The following FNTB variants were observed in gnomAD, a reference collection of about 807,000 sequenced individuals.
FNTB encodes the protein protein farnesyltransferase subunit beta.
In FNTB, 27 loss-of-function variants were observed where a neutral mutation model predicts 59.4. That is an observed-to-expected ratio of 0.45 (90% CI 0.34 to 0.63). FNTB has a LOEUF of 0.63. Ranked by LOEUF, FNTB falls within the 20% of genes least tolerant of loss-of-function variation. FNTB has a pLI of 0.02. For synonymous variants in FNTB, 230 were observed against 220.7 expected, an observed-to-expected ratio of 1.04 and a Z score of -0.37; for missense variants, 449 against 559.6, an observed-to-expected ratio of 0.80 and a Z score of 1.99.
chr14:65,018,881 T>C (rs111824220), intron 4 of FNTB, among the ~76,000 whole-genome samples: 3,187 of 147,238 alleles, frequency 0.022, 114 homozygotes, highest in East Asian at 0.12. Context: ...GAGAACGAAG[T>C]GGGTGGATCA....
At chr14:65,002,048 A>G (rs1888619520) in intron 1 of FNTB, among the ~76,000 whole-genome samples, 1 of 152,202 alleles carries the variant, frequency 6.6e-6, no homozygotes, top group South Asian at 2.1e-4. Flanking sequence ...TAATTCTTTC[A>G]TGCTTCTCAA....
chr14:65,052,199 T>G (rs867102308), intron 9 of FNTB, among the ~76,000 whole-genome samples: 4 of 152,208 alleles, frequency 2.6e-5, no homozygotes, highest in African/African-American at 4.8e-5. Flanking sequence ...TATATGGCTA[T>G]TCACAGTGAT....
intron 1 of FNTB, among the ~76,000 whole-genome samples, chr14:64,995,729 A>G (rs1888368161): frequency 6.6e-6 from 1 of 150,490 alleles, no homozygotes; most frequent in Non-Finnish European, 1.5e-5. Flanking sequence ...TATATTTTAT[A>G]TATATACATG....
chr14:65,015,554 A>G (rs1181900304), intron 3 of FNTB, 71 bp from the exon 4 acceptor site: 1 of 1,557,738 alleles, frequency 6.4e-7, no homozygotes, highest in South Asian at 1.1e-5. Context: ...AGTGAGACAG[A>G]TACAGCCTTG....
At chr14:65,052,679 AGTTACTAGTAAT>A (rs1330024748) in intron 9 of FNTB, among the ~76,000 whole-genome samples, 1 of 152,224 alleles carries the variant, frequency 6.6e-6, no homozygotes, top group Non-Finnish European at 1.5e-5. Flanking sequence ...GCAGGAGGGC[AGTTACTAGTAAT>A]GTTTCTTAGG....
At chr14:65,037,752 ATTTATTTATTTAT>A (rs1566562961) in intron 7 of FNTB, among the ~76,000 whole-genome samples, 19 of 103,962 alleles carry the variant, frequency 1.8e-4, no homozygotes, top group East Asian at 6.3e-4. Flanking sequence ...TTATTTATTT[ATTTATTTATTTAT>A]TTATTTATTT....
In FNTB at chr14:65,011,948, A is replaced by T. The variant is rs1244119523; in HGVS notation, c.210-369A>T. On this transcript the variant is annotated intron_variant, in intron 2 of 11. Transcript: ENST00000246166. This position sits in a 1 kb window ranked among gnomAD's most constrained non-coding sequence, Gnocchi z 4.0. ...CGAGGCTCAGATTTAAATTGCTTAT[A>T]GGATGGGGAGGCACAAAGATATCTG... Among the ~76,000 whole-genome samples the T allele has an allele frequency of 6.6e-6, 1 of 152,208 alleles. No homozygotes were observed. Among genetic ancestry groups the T allele is most frequent in the African/African-American group, 2.4e-5 (1 of 41,458 alleles).
At chr14:64,989,066 G>A (rs546665236) in intron 1 of FNTB, among the ~76,000 whole-genome samples, 2 of 152,170 alleles carry the variant, frequency 1.3e-5, no homozygotes, top group East Asian at 3.9e-4. Flanking sequence ...AACCTTGTTA[G>A]GAGGAGTTGT....
chr14:65,026,143 A>G (rs942830267), intron 4 of FNTB, among the ~76,000 whole-genome samples: 1 of 152,210 alleles, frequency 6.6e-6, no homozygotes, highest in African/African-American at 2.4e-5. Context: ...AGGCCCCATG[A>G]ACACTGCAAA....
rs951047779 is a variant in FNTB, at chr14:65,027,708, C to T, written c.532C>T (p.Leu178Phe). ...TTCCCTGTTTCTCAGAGAGAAGCTT[C>T]TTCAGTATTTGTACTCCCTGAAGCA... ...AYDIINREKLLQYLYSLKQPD... is the reference protein window; with the variant it reads ...AYDIINREKLFQYLYSLKQPD... Residue 178 changes from leucine (L) to phenylalanine (F), a missense_variant, in exon 6 of 12, where the codon CTT (leucine) becomes TTT (phenylalanine). Physicochemically the swap from Leu to Phe is conservative, Grantham distance 22. This residue lies in a region of FNTB where 337 missense variants were observed against 479.1 expected (regional missense o/e 0.70). Coordinates refer to ENST00000246166, the MANE Select transcript of FNTB (RefSeq NM_002028.4). This position sits in a 1 kb window ranked among gnomAD's most constrained non-coding sequence, Gnocchi z 5.7. 5.0e-6 allele frequency: 8 copies of T among 1,614,212 alleles called. No homozygotes were observed. Among genetic ancestry groups the T allele is most frequent in the Non-Finnish European group, 5.9e-6 (7 of 1,180,046 alleles).
intron 8 of FNTB, 32 bp downstream of exon 8, chr14:65,040,951 GC>G (rs757830095): frequency 1.2e-5 from 19 of 1,607,972 alleles, no homozygotes; most frequent in Middle Eastern, 3.3e-4. Flanking sequence ...CCCCTCTCAG[GC>G]CCCAGGTCAT....
chr14:64,995,100 A>T (rs1218930165), intron 1 of FNTB, among the ~76,000 whole-genome samples: 1 of 152,172 alleles, frequency 6.6e-6, no homozygotes, highest in Non-Finnish European at 1.5e-5. Context: ...AAAAACCAAG[A>T]CACAAACGCA....
chr14:65,027,813 A>G lies in FNTB; in HGVS notation c.605+32A>G, dbSNP rs1191353093. 6 of 1,613,608 alleles carry G rather than the reference A, an allele frequency of 3.7e-6. No individual in the cohort carries two copies. Among genetic ancestry groups the G allele is most frequent in the Non-Finnish European group, 4.2e-6 (5 of 1,179,814 alleles). The stretch of plus-strand genomic sequence containing the variant: ...GGGGTTTTGCACAGGCTGCCACATC[A>G]GTTGACTCTAGAGCTCATCTGCCAT... On this transcript the variant is annotated intron_variant, in intron 6 of 11. Transcript: ENST00000246166. This position sits in a 1 kb window ranked among gnomAD's most constrained non-coding sequence, Gnocchi z 5.7.
chr14:65,049,274 T>C (rs2062556470), intron 9 of FNTB, among the ~76,000 whole-genome samples: 1 of 152,254 alleles, frequency 6.6e-6, no homozygotes, highest in South Asian at 2.1e-4. Flanking sequence ...TATGTTCTTT[T>C]GGACATACCC....
In FNTB at chr14:65,054,534, G is replaced by A. The variant is rs774742173; in HGVS notation, c.1068-41G>A. 8.3e-6 allele frequency: 13 copies of A among 1,573,482 alleles called. No individual in the cohort carries two copies. The highest frequency in any genetic ancestry group is 4.6e-5 in the South Asian group (4 of 87,432). ...TGTGGCTACATTTGTAGATGTGTGC[G>A]GAGCAGAGGAGCGCCTGCTCAGAGC... On this transcript the variant is annotated intron_variant, in intron 10 of 11. Coordinates refer to ENST00000246166, the MANE Select transcript of FNTB (RefSeq NM_002028.4). This position sits in a 1 kb window ranked among gnomAD's most constrained non-coding sequence, Gnocchi z 4.4.
chr14:64,990,045 T>TG lies in FNTB; in HGVS notation c.144+2950dup, dbSNP rs1477451852. On this transcript the variant is annotated intron_variant, in intron 1 of 11. Coordinates refer to ENST00000246166, the MANE Select transcript of FNTB (RefSeq NM_002028.4). This position sits in a 1 kb window ranked among gnomAD's most constrained non-coding sequence, Gnocchi z 5.2. ...ATGAGGGAGGAAGCCATCATGGATCTGGTGCAAGAGTATTCTGGGCAGAGA... is the reference window on the plus strand; with the variant it reads ...ATGAGGGAGGAAGCCATCATGGATCTGGGTGCAAGAGTATTCTGGGCAGAGA... 6.6e-6 allele frequency among the ~76,000 whole-genome samples: 1 copy of TG among 152,118 alleles called. No individual in the cohort carries two copies. The highest frequency in any genetic ancestry group is 1.5e-5 in the Non-Finnish European group (1 of 68,016).
chr14:65,015,779 G>A, intron 4 of FNTB, 63 bp downstream of exon 4: 3 of 1,572,520 alleles, frequency 1.9e-6, no homozygotes, highest in Non-Finnish European at 2.6e-6. Flanking sequence ...TTGGGATTTT[G>A]TTTTGTTTCT....
At position 65,011,019 on chromosome 14, in the gene FNTB, C is replaced by T. The variant is rs970447532; in HGVS notation, c.210-1298C>T. The stretch of plus-strand genomic sequence containing the variant: ...GATCATTCCTTTCTTCATGAGATAT[C>T]CCCTCCCTTTTGAGCCTCAGTAGTA... On this transcript the variant is annotated intron_variant, in intron 2 of 11. Transcript: ENST00000246166. The surrounding 1 kb of genome is among the most constrained non-coding windows in gnomAD (Gnocchi z 4.0). 6.7e-6 allele frequency among the ~76,000 whole-genome samples: 1 copy of T among 149,674 alleles called. No homozygotes were observed. Among genetic ancestry groups the T allele is most frequent in the Non-Finnish European group, 1.5e-5 (1 of 67,774 alleles).
intron 10 of FNTB, among the ~76,000 whole-genome samples, chr14:65,053,717 A>G (rs908572361): frequency 1.3e-5 from 2 of 152,168 alleles, no homozygotes; most frequent in African/African-American, 4.8e-5. Flanking sequence ...AATCATGACA[A>G]CTATTATAGA....
Sources: gnomAD v4.1 joint callset for allele counts (sites outside exome capture counted in the v4.1 genomes callset) on GRCh38, gnomAD v4.1.1 for gene constraint, gnomAD v4.1.1 regional missense constraint, Gnocchi (gnomAD v3.1) non-coding constraint, MANE v1.5 for transcripts, NCBI Gene and HGNC (gene_info 2026-07-23, HGNC 2026-07-21) for gene names.